Variants in EYS observed in about 807,000 individuals in gnomAD.
The protein encoded by EYS is EGF-like photoreceptor maintenance factor, also known as protein eyes shut homolog.
Under a neutral mutation model 282.1 loss-of-function variants are expected in EYS, and 250 were observed. The observed-to-expected ratio is 0.89, with a 90% CI of 0.80 to 0.98. The LOEUF (loss-of-function observed/expected upper bound fraction) is 0.98. Ranked by LOEUF, EYS falls within the 50% of genes least tolerant of loss-of-function variation. The probability of loss-of-function intolerance (pLI) is 0.00; values close to 1 mark genes in which losing one functional copy is unlikely to be tolerated. For missense variants in EYS, 4,016 were observed against 3,709.0 expected (o/e 1.08, Z -2.15); for synonymous variants, 1,355 against 1,282.9 (o/e 1.06, Z -1.20).
chr6:65,612,796 A>G (rs1450071346), intron 2 of EYS, among the ~76,000 whole-genome samples: 1 of 151,706 alleles, frequency 6.6e-6, no homozygotes, highest in Middle Eastern at 3.3e-3. Flanking sequence ...TTAAATTTAA[A>G]TTAAGATAGT....
Position 64,451,373 on chromosome 6 carries a change from T to C in EYS, c.5645-12021A>G, listed in dbSNP as rs1386095124. ...GAAATTCAGGCAATAATTAATAGCT[T>C]ACCAACCAAAAAAAGTGCAGGACCA... is the stretch of plus-strand genomic sequence containing the variant. On this transcript the variant is annotated intron_variant, in intron 26 of 42. Coordinates refer to ENST00000503581, the MANE Select transcript of EYS (RefSeq NM_001142800.2). Among the ~76,000 whole-genome samples, 7 of 152,184 alleles carry C rather than the reference T, an allele frequency of 4.6e-5. No homozygotes were observed. The East Asian group carries it at 1.2e-3, about 25-fold the overall frequency.
rs114993761 is a variant in EYS at position 64,747,695 on chromosome 6, C to T, written c.3443+65683G>A. ...GCCCAGCCCTAGAATCACTTAATAG[C>T]GCCTTCATTTCTCTCTCTGATCTGT... On this transcript the variant is annotated intron_variant, in intron 22 of 42. Coordinates refer to ENST00000503581, the MANE Select transcript of EYS (RefSeq NM_001142800.2). Among the ~76,000 whole-genome samples, 653 of 152,238 alleles carry T rather than the reference C, an allele frequency of 4.3e-3. 5 individuals carry two copies. The highest frequency in any genetic ancestry group is 0.014 in the African/African-American group (602 of 41,548).
intron 28 of EYS, among the ~76,000 whole-genome samples, chr6:64,405,610 G>A (rs557021304): frequency 1.3e-5 from 2 of 152,270 alleles, no homozygotes; most frequent in Non-Finnish European, 2.9e-5. Flanking sequence ...TCCTTAAGCT[G>A]ATAAGCAACT....
intron 22 of EYS, among the ~76,000 whole-genome samples, chr6:64,686,742 AATAT>A (rs758136941): frequency 1.5e-4 from 5 of 33,720 alleles, no homozygotes; most frequent in African/African-American, 3.4e-4. Flanking sequence ...ATTCCATCTA[AATAT>A]ATATATATAT....
chr6:65,204,704 C>T (rs995296927), intron 12 of EYS, among the ~76,000 whole-genome samples: 5 of 151,344 alleles, frequency 3.3e-5, no homozygotes, highest in Non-Finnish European at 7.4e-5. Context: ...TATTAACATT[C>T]CAGTTAAATA....
intron 24 of EYS, among the ~76,000 whole-genome samples, chr6:64,599,512 T>A (rs1766698253): frequency 6.6e-6 from 1 of 152,192 alleles, no homozygotes; most frequent in East Asian, 1.9e-4. Flanking sequence ...TTTACTAAAT[T>A]ATAGAAGACC....
chr6:63,756,224 T>G (rs567492527), intron 41 of EYS, among the ~76,000 whole-genome samples: 2 of 152,308 alleles, frequency 1.3e-5, no homozygotes. Context: ...AAGGGAATGC[T>G]TCCAGTTTTT....
chr6:64,577,226 T>C (rs74503725), intron 26 of EYS, among the ~76,000 whole-genome samples: 3,650 of 152,178 alleles, frequency 0.024, 88 homozygotes, highest in East Asian at 0.11. Flanking sequence ...CAGTTTCTGG[T>C]ATTTTATTGT....
intron 15 of EYS, among the ~76,000 whole-genome samples, chr6:64,940,227 T>C (rs1769044594): frequency 6.6e-6 from 1 of 152,062 alleles, no homozygotes; most frequent in Non-Finnish European, 1.5e-5. Context: ...ATCTACATGA[T>C]GTGTTTTCTC....
At chr6:64,656,896 T>C (rs1768770341) in intron 22 of EYS, among the ~76,000 whole-genome samples, 1 of 152,180 alleles carries the variant, frequency 6.6e-6, no homozygotes, top group Non-Finnish European at 1.5e-5. Flanking sequence ...GTAGGAGTGA[T>C]AGCCACCCAT....
chr6:64,183,424 T>C lies in EYS; in HGVS notation c.6424+47168A>G, dbSNP rs377628804. The stretch of plus-strand genomic sequence containing the variant: ...TGTAAGGTGAGGACTTTACCTCATT[T>C]ACCACTGTATTCCTGGCACTTAACA... On this transcript the variant is annotated intron_variant, in intron 31 of 42. Coordinates refer to ENST00000503581, the MANE Select transcript of EYS (RefSeq NM_001142800.2). 2.6e-5 allele frequency among the ~76,000 whole-genome samples: 4 copies of C among 152,200 alleles called. No individual in the cohort carries two copies. The East Asian group carries it at 7.7e-4, about 29-fold the overall frequency.
intron 19 of EYS, among the ~76,000 whole-genome samples, chr6:64,843,399 A>C (rs1012878853): frequency 1.3e-5 from 2 of 152,166 alleles, no homozygotes; most frequent in Non-Finnish European, 2.9e-5. Context: ...AGCAGCCCGG[A>C]GGTGGGCTAT....
intron 36 of EYS, among the ~76,000 whole-genome samples, chr6:63,859,988 G>GTAT (rs1225120138): frequency 6.6e-6 from 1 of 152,162 alleles, no homozygotes; most frequent in African/African-American, 2.4e-5. Context: ...TCATCCTCTG[G>GTAT]TATTAGCAAA....
chr6:64,647,301 CA>C (rs964458709), intron 22 of EYS, among the ~76,000 whole-genome samples: 9 of 151,680 alleles, frequency 5.9e-5, no homozygotes, highest in Non-Finnish European at 1.3e-4. Flanking sequence ...AAAATTAATG[CA>C]AAAAAAGAAC....
At chr6:65,376,059 C>A (rs912718050) in intron 8 of EYS, among the ~76,000 whole-genome samples, 1 of 151,950 alleles carries the variant, frequency 6.6e-6, no homozygotes, top group African/African-American at 2.4e-5. Context: ...ATAGCAACCC[C>A]AAGACAAATA....
At chr6:65,052,071 T>C (rs1176931325) in intron 13 of EYS, among the ~76,000 whole-genome samples, 1 of 151,574 alleles carries the variant, frequency 6.6e-6, no homozygotes, top group Non-Finnish European at 1.5e-5. Context: ...TTCATGGACA[T>C]TAGTTTTAGA....
At chr6:64,518,039 C>G (rs576381050) in intron 26 of EYS, among the ~76,000 whole-genome samples, 3 of 151,748 alleles carry the variant, frequency 2.0e-5, no homozygotes, top group African/African-American at 7.3e-5. Flanking sequence ...TGCAAAAGTG[C>G]CCTACAAGGC....
chr6:65,357,773 C>T (rs536770646), intron 8 of EYS, among the ~76,000 whole-genome samples: 16 of 151,842 alleles, frequency 1.1e-4, no homozygotes, highest in Admixed American at 7.2e-4. Context: ...GTATGAAGTT[C>T]AAAAATGCTG....
chr6:65,446,167 A>G (rs1297802531), intron 5 of EYS, among the ~76,000 whole-genome samples: 2 of 151,786 alleles, frequency 1.3e-5, no homozygotes, highest in East Asian at 3.9e-4. Flanking sequence ...TCATTTGTCC[A>G]AAGGGTGTTA....
Sources: allele counts gnomAD v4.1 joint callset (sites outside exome capture counted in the v4.1 genomes callset), GRCh38; gene constraint gnomAD v4.1.1; transcripts MANE v1.5; gene names NCBI Gene and HGNC (gene_info 2026-07-23, HGNC 2026-07-21).